MERTK: variants seen among roughly 807,000 people sequenced by gnomAD.
MERTK encodes MER proto-oncogene, tyrosine kinase, also known as tyrosine-protein kinase Mer.
MERTK carries 69 observed loss-of-function variants against 99.3 expected under a neutral mutation model. The ratio of observed to expected loss-of-function variants is 0.70; its 90% CI spans 0.57 to 0.85. The LOEUF (loss-of-function observed/expected upper bound fraction) is 0.85. MERTK is among the 40% of genes least tolerant of loss of function. The probability of loss-of-function intolerance (pLI) is 0.00; values close to 1 mark genes in which losing one functional copy is unlikely to be tolerated. For synonymous variants in MERTK, 426 were observed against 467.6 expected (o/e 0.91, Z 1.15); for missense variants, 1,125 against 1,249.4 (o/e 0.90, Z 1.50).
intron 4 of MERTK, among the ~76,000 whole-genome samples, chr2:111,959,816 T>G (rs1685211365): frequency 6.6e-6 from 1 of 152,152 alleles, no homozygotes; most frequent in African/African-American, 2.4e-5. Flanking sequence ...TTTACAGTCA[T>G]AAGTTATCAA....
At chr2:111,977,344 T>G (rs1676273435) in intron 7 of MERTK, among the ~76,000 whole-genome samples, 1 of 152,172 alleles carries the variant, frequency 6.6e-6, no homozygotes, top group Non-Finnish European at 1.5e-5. Flanking sequence ...AATTTTAGCT[T>G]TTGTTTGTTT....
At chr2:111,903,028 C>G (rs548965689) in intron 1 of MERTK, among the ~76,000 whole-genome samples, 1 of 152,306 alleles carries the variant, frequency 6.6e-6, no homozygotes, top group East Asian at 1.9e-4. Context: ...ATCCGCCTAC[C>G]TCAGCCTCCC....
intron 1 of MERTK, among the ~76,000 whole-genome samples, chr2:111,907,274 C>T (rs1684153820): frequency 6.6e-6 from 1 of 152,046 alleles, no homozygotes; most frequent in African/African-American, 2.4e-5. Context: ...ATTAGCCAGG[C>T]GTGGTGGCGC....
At chr2:111,930,505 C>T (rs764741712) in intron 2 of MERTK, 1 of 152,514 alleles carries the variant, frequency 6.6e-6, no homozygotes, top group Non-Finnish European at 1.5e-5. Context: ...GTGCAGCTCT[C>T]TCGTCCCTTC....
intron 5 of MERTK, among the ~76,000 whole-genome samples, chr2:111,966,857 C>T (rs192364284): frequency 4.6e-5 from 7 of 152,266 alleles, no homozygotes; most frequent in African/African-American, 1.2e-4. Context: ...CCCCAGGGCA[C>T]GCTTGATATG....
At chr2:112,022,653 A>T (rs996232466) in intron 18 of MERTK, 4 of 714,162 alleles carry the variant, frequency 5.6e-6, no homozygotes, top group African/African-American at 1.7e-5. Context: ...CACGGTCAAG[A>T]CAAGGCAATG....
rs368893818 is a variant in MERTK at position 111,975,262 on chromosome 2, C to T, written c.961-27C>T. ...ACATTCCCACCACCTTACTAATGCC[C>T]GGTCCTCATGTTTACTCTTCGTTTA... On this transcript the variant is annotated intron_variant, in intron 6 of 18. Coordinates refer to ENST00000295408, the MANE Select transcript of MERTK (RefSeq NM_006343.3). 4.7e-5 allele frequency: 76 copies of T among 1,612,880 alleles called. No individual in the cohort carries two copies. In the East Asian group the frequency reaches 6.0e-4, roughly 13 times the overall value.
chr2:112,008,349 A>G, intron 13 of MERTK, 34 bp from the exon 14 acceptor site: 1 of 1,528,528 alleles, frequency 6.5e-7, no homozygotes, highest in Non-Finnish European at 9.1e-7. Context: ...TGAGTAAATT[A>G]TCCATACTTA....
At chr2:111,966,695 C>G (rs1205870501) in intron 5 of MERTK, among the ~76,000 whole-genome samples, 2 of 152,132 alleles carry the variant, frequency 1.3e-5, no homozygotes, top group Non-Finnish European at 2.9e-5. Context: ...TGTGTAATTA[C>G]TATGGTATAT....
intron 18 of MERTK, among the ~76,000 whole-genome samples, chr2:112,027,496 T>C (rs1486815446): frequency 2.6e-5 from 4 of 152,062 alleles, no homozygotes; most frequent in South Asian, 2.1e-4. Flanking sequence ...CCATTAAATG[T>C]CCCTCCATTG....
At chr2:111,923,559 A>T (rs375040882) in intron 1 of MERTK, among the ~76,000 whole-genome samples, 6 of 152,222 alleles carry the variant, frequency 3.9e-5, no homozygotes, top group Non-Finnish European at 8.8e-5. Flanking sequence ...GTTTATGTGA[A>T]GTTAAAATTC....
rs761691719 is a variant in MERTK, at chr2:112,008,437, T to C, written c.1922T>C (p.Met641Thr). The change falls in exon 14 of 19, where the codon ATG becomes ACG. Residue 641 changes from methionine (M) to threonine (T), a missense_variant. Met to Thr is a moderately conservative substitution (Grantham distance 81). Coordinates refer to ENST00000295408, the MANE Select transcript of MERTK (RefSeq NM_006343.3). The part of the protein sequence containing the change: ...IEEFLSEAAC[M>T]KDFSHPNVIR... ...GAGTTTCTCAGTGAGGCAGCGTGCA[T>C]GAAAGACTTCAGCCACCCAAATGTC... 1.4e-5 allele frequency: 22 copies of C among 1,614,166 alleles called. No homozygotes were observed. Among genetic ancestry groups the C allele is most frequent in the Non-Finnish European group, 1.9e-5 (22 of 1,180,018 alleles).
At chr2:111,947,601 T>C (rs745744237) in intron 4 of MERTK, 34 bp downstream of exon 4, 1 of 1,612,306 alleles carries the variant, frequency 6.2e-7, no homozygotes, top group South Asian at 1.1e-5. Flanking sequence ...TGATTTATTC[T>C]CTAATAGCGG....
rs769409793 is a variant in MERTK, at chr2:112,022,374, C to G, written c.2466C>G (p.Pro822=). 7 of 1,614,214 alleles carry G rather than the reference C, an allele frequency of 4.3e-6. No homozygotes were observed. The highest frequency in any genetic ancestry group is 1.6e-4 in the Middle Eastern group (1 of 6,062). The change falls in exon 18 of 19, where the codon CCC becomes CCG. Residue 822 remains proline (P), a synonymous_variant. Coordinates refer to ENST00000295408, the MANE Select transcript of MERTK (RefSeq NM_006343.3). ...TCCATGGCCACAGGTTGAAGCAGCCCGAAGACTGCCTGGATGAACTGTGAG... is the reference window on the plus strand; with the variant it reads ...TCCATGGCCACAGGTTGAAGCAGCCGGAAGACTGCCTGGATGAACTGTGAG... The part of the protein sequence containing the change: ...YLLHGHRLKQ[P]EDCLDELYEI...
intron 1 of MERTK, among the ~76,000 whole-genome samples, chr2:111,923,353 C>T (rs759463373): frequency 7.9e-5 from 12 of 152,190 alleles, no homozygotes; most frequent in Non-Finnish European, 1.2e-4. Context: ...CTTTAAGAAG[C>T]GGACGCTAGG....
intron 1 of MERTK, among the ~76,000 whole-genome samples, chr2:111,921,380 G>A (rs1165635042): frequency 3.9e-5 from 6 of 152,010 alleles, no homozygotes; most frequent in Non-Finnish European, 7.4e-5. Flanking sequence ...CCTGCCTGTA[G>A]TCCCTGCTAC....
Position 111,947,491 on chromosome 2 carries a change from C to T in MERTK, c.681C>T (p.Val227=). The change falls in exon 4 of 19, where the codon GTC becomes GTT. Residue 227 remains valine (V), a synonymous_variant. Transcript: ENST00000295408. ...TCQAVGPPEP[V]NIFWVQNSSR... is the part of the protein sequence containing the mutation. ...AGGCTGTGGGCCCGCCTGAGCCCGT[C>T]AACATTTTCTGGGTTCAAAACAGTA... 1 of 1,614,182 alleles carries T rather than the reference C, an allele frequency of 6.2e-7. No homozygotes were observed. The highest frequency in any genetic ancestry group is 1.1e-5 in the South Asian group (1 of 91,082).
intron 2 of MERTK, 71 bp downstream of exon 2, chr2:111,929,611 G>A: frequency 1.5e-6 from 1 of 679,612 alleles, no homozygotes; most frequent in Non-Finnish European, 2.1e-6. Context: ...TATTGAGACA[G>A]AGTATCATTC....
At chr2:112,003,788 G>A in intron 12 of MERTK, 116 bp from the exon 13 acceptor site, 1 of 925,818 alleles carries the variant, frequency 1.1e-6, no homozygotes, top group Non-Finnish European at 1.8e-6. Context: ...CTGCCTGGCT[G>A]CCCGTGGGTG....
Sources: allele counts gnomAD v4.1 joint callset (sites outside exome capture counted in the v4.1 genomes callset), GRCh38; gene constraint gnomAD v4.1.1; transcripts MANE v1.5; gene names NCBI Gene and HGNC (gene_info 2026-07-23, HGNC 2026-07-21).